Variants in PHAX observed in about 807,000 individuals in gnomAD.
The protein encoded by PHAX is phosphorylated adaptor for RNA export.
PHAX carries 31 observed loss-of-function variants against 41.6 expected under a neutral mutation model. The ratio of observed to expected loss-of-function variants is 0.75; its 90% CI spans 0.56 to 1.01. PHAX has a LOEUF of 1.01. Ranked by LOEUF, PHAX falls within the 50% of genes least tolerant of loss-of-function variation. PHAX has a pLI of 0.00. For synonymous variants in PHAX, 175 were observed against 164.9 expected (o/e 1.06, Z -0.47); for missense variants, 453 against 472.9 (o/e 0.96, Z 0.39).
chr5:126,608,811 C>T (rs1237453797), intron 3 of PHAX, among the ~76,000 whole-genome samples: 3 of 151,784 alleles, frequency 2.0e-5, no homozygotes, highest in Non-Finnish European at 4.4e-5. Flanking sequence ...TGGCACATAC[C>T]TGTAATCGCA....
Position 126,604,128 on chromosome 5 carries a change from T to C in PHAX, c.655T>C (p.Tyr219His). 2 of 1,584,362 alleles carry C rather than the reference T, an allele frequency of 1.3e-6. No individual in the cohort carries two copies. The highest frequency in any genetic ancestry group is 1.7e-6 in the Non-Finnish European group (2 of 1,168,210). ...ACCAGAAATGAACTATAAAGGTCGA[T>C]ACGAGATCACAGCGGAAGATTCTCA... Reference protein sequence around the residue: ...NRPEMNYKGRYEITAEDSQEK... With the variant: ...NRPEMNYKGRHEITAEDSQEK... Residue 219 changes from tyrosine (Y) to histidine (H), a missense_variant, in exon 2 of 5, where the codon TAC becomes CAC. Tyr to His is a moderately conservative substitution (Grantham distance 83). Transcript: ENST00000297540.
At chr5:126,602,227 G>T (rs896521450) in intron 1 of PHAX, among the ~76,000 whole-genome samples, 17 of 152,238 alleles carry the variant, frequency 1.1e-4, no homozygotes, top group Non-Finnish European at 2.4e-4. Flanking sequence ...GACTACAGGC[G>T]CGAGCCACCG....
At chr5:126,608,560 C>A in intron 3 of PHAX, 76 bp downstream of exon 3, 2 of 1,143,092 alleles carry the variant, frequency 1.7e-6, no homozygotes, top group South Asian at 1.3e-5. Flanking sequence ...TTTAACTTTG[C>A]CCTTGTTGGA....
Position 126,625,513 on chromosome 5 carries a change from C to T in PHAX, c.*669C>T, listed in dbSNP as rs1752334394. On this transcript the variant is annotated 3_prime_UTR_variant, in exon 5 of 5. Transcript: ENST00000297540. ...TCGGGAGGCTGAGGCAGGAGAATCA[C>T]CTGAACCCGGGAGGCAAAGGTTGCA... The T allele has an allele frequency of 6.6e-6, 1 of 151,736 alleles. No individual in the cohort carries two copies. The highest frequency in any genetic ancestry group is 1.5e-5 in the Non-Finnish European group (1 of 68,040). 9.4% of individuals were successfully genotyped at this position (151,736 alleles called of 1,614,324 possible). A position where few individuals can be genotyped will look rare whatever the true frequency, so the allele number is the denominator to read the frequency against.
Position 126,626,972 on chromosome 5 carries a change from T to G in PHAX, c.*2128T>G, listed in dbSNP as rs1344926127. 3.3e-5 allele frequency: 5 copies of G among 152,168 alleles called. No homozygotes were observed. Among genetic ancestry groups the G allele is most frequent in the Admixed American group, 3.3e-4 (5 of 15,258 alleles). The allele number at this position is 152,168 out of a possible 1,614,324, so 9.4% of individuals were successfully genotyped here. ...GTTTTAAATTACTCATTTTTATTAA[T>G]GAAGAAAATAAGGTAGTTTAGACAT... On this transcript the variant is annotated 3_prime_UTR_variant, in exon 5 of 5. Coordinates refer to ENST00000297540, the MANE Select transcript of PHAX (RefSeq NM_032177.4).
At chr5:126,610,468 T>C (rs1752077137) in intron 3 of PHAX, among the ~76,000 whole-genome samples, 1 of 152,232 alleles carries the variant, frequency 6.6e-6, no homozygotes, top group South Asian at 2.1e-4. Flanking sequence ...GGAAACAGCC[T>C]GTGAACATAA....
At chr5:126,602,079 G>A (rs1378049176) in intron 1 of PHAX, among the ~76,000 whole-genome samples, 2 of 152,084 alleles carry the variant, frequency 1.3e-5, no homozygotes, top group Non-Finnish European at 2.9e-5. Context: ...CCAAAGTGTT[G>A]GGATTACAGG....
chr5:126,614,272 T>A (rs966703903), intron 3 of PHAX, among the ~76,000 whole-genome samples: 7 of 151,754 alleles, frequency 4.6e-5, no homozygotes, highest in African/African-American at 1.7e-4. Context: ...GCTAATTTTG[T>A]ATTTTTATTA....
At chr5:126,613,831 A>T (rs1389877543) in intron 3 of PHAX, among the ~76,000 whole-genome samples, 1 of 149,778 alleles carries the variant, frequency 6.7e-6, no homozygotes, top group Non-Finnish European at 1.5e-5. Flanking sequence ...GCTGGAGTAC[A>T]GTGGCACAAT....
chr5:126,621,557 A>G (rs1175267963), intron 4 of PHAX, among the ~76,000 whole-genome samples: 2 of 152,162 alleles, frequency 1.3e-5, no homozygotes, highest in South Asian at 2.1e-4. Flanking sequence ...TATTCTTTTA[A>G]TTGCTATATT....
chr5:126,623,708 C>T (rs1168551566), intron 4 of PHAX, among the ~76,000 whole-genome samples: 1 of 152,178 alleles, frequency 6.6e-6, no homozygotes, highest in African/African-American at 2.4e-5. Flanking sequence ...CTGCTTGTAA[C>T]TATTTAGCAT....
Position 126,601,024 on chromosome 5 carries a change from C to G in PHAX, c.62C>G (p.Thr21Arg), listed in dbSNP as rs2112826681. ...GQLSDSDSDM[T>R]VAPSDRPLQL... Reference sequence around the variant, plus strand: ...CTTTCCGACTCGGATTCCGACATGACGGTCGCACCCAGCGACAGGCCGCTG... The same window carrying G: ...CTTTCCGACTCGGATTCCGACATGAGGGTCGCACCCAGCGACAGGCCGCTG... The change falls in exon 1 of 5, where the codon ACG (threonine) becomes AGG (arginine). Residue 21 changes from threonine to arginine, a missense_variant. Thr to Arg is a moderately conservative substitution (Grantham distance 71). Coordinates refer to ENST00000297540, the MANE Select transcript of PHAX (RefSeq NM_032177.4). The G allele has an allele frequency of 6.2e-7, 1 of 1,606,278 alleles. No individual in the cohort carries two copies. Among genetic ancestry groups the G allele is most frequent in the African/African-American group, 1.4e-5 (1 of 73,496 alleles).
At chr5:126,606,867 G>A (rs926253095) in intron 2 of PHAX, among the ~76,000 whole-genome samples, 2 of 152,026 alleles carry the variant, frequency 1.3e-5, no homozygotes, top group Non-Finnish European at 2.9e-5. Context: ...TTGTTGACCA[G>A]GCTGGTCTCA....
rs112951341 is a variant in PHAX, at chr5:126,603,920, C to T, written c.447C>T (p.Ser149=). The T allele has an allele frequency of 2.6e-5, 42 of 1,613,958 alleles. No homozygotes were observed. Among genetic ancestry groups the T allele is most frequent in the Admixed American group, 2.2e-4 (13 of 59,974 alleles). ...MEGTIDRSRQ[S]ETYNYLLAKK... ...GCACTATTGACAGAAGCAGACAATC[C>T]GAGACCTACAATTATTTGCTTGCCA... The change falls in exon 2 of 5, where the codon TCC becomes TCT. Residue 149 remains serine (S), a synonymous_variant. Transcript: ENST00000297540.
intron 1 of PHAX, 57 bp downstream of exon 1, chr5:126,601,115 G>C: frequency 7.6e-7 from 1 of 1,320,172 alleles, no homozygotes; most frequent in Non-Finnish European, 1.1e-6. Context: ...CTGGGCCCCG[G>C]GGAGCGCGCA....
chr5:126,604,763 G>C (rs982445103), intron 2 of PHAX, among the ~76,000 whole-genome samples: 2 of 151,958 alleles, frequency 1.3e-5, no homozygotes, highest in Admixed American at 1.3e-4. Flanking sequence ...TGGCCAGACA[G>C]AGTGGCTCAT....
intron 2 of PHAX, among the ~76,000 whole-genome samples, chr5:126,605,836 A>C (rs1381990398): frequency 6.6e-6 from 1 of 152,174 alleles, no homozygotes; most frequent in Non-Finnish European, 1.5e-5. Context: ...TTGTTTGTTT[A>C]GTGTTTTCAA....
chr5:126,611,030 T>G lies in PHAX; in HGVS notation c.831+2546T>G, dbSNP rs570792653. Among the ~76,000 whole-genome samples the G allele has an allele frequency of 8.7e-5, 13 of 149,488 alleles. No individual in the cohort carries two copies. In the South Asian group the frequency reaches 2.4e-3, roughly 27 times the overall value. ...CCCCCAAATTTACTTTCTTTTTTTT[T>G]TTGTTTTTTTTCTTTTCGTTTGTTT... On this transcript the variant is annotated intron_variant, in intron 3 of 4. Transcript: ENST00000297540.
chr5:126,605,653 C>T (rs938624335), intron 2 of PHAX, among the ~76,000 whole-genome samples: 2 of 152,132 alleles, frequency 1.3e-5, no homozygotes, highest in Non-Finnish European at 2.9e-5. Context: ...CTGCCTTGGC[C>T]TCCCAAATGC....
Sources: allele counts gnomAD v4.1 joint callset (sites outside exome capture counted in the v4.1 genomes callset), GRCh38; gene constraint gnomAD v4.1.1; transcripts MANE v1.5; gene names NCBI Gene and HGNC (gene_info 2026-07-23, HGNC 2026-07-21).